The following MYO9B variants were observed in gnomAD, a reference collection of about 807,000 sequenced individuals.
MYO9B encodes myosin IXB.
A neutral mutation model predicts 229.5 loss-of-function variants in MYO9B; 71 were observed. The ratio of observed to expected loss-of-function variants is 0.31; its 90% CI spans 0.26 to 0.38. The LOEUF (loss-of-function observed/expected upper bound fraction) is 0.38, where lower values mean the gene tolerates loss of function less well. MYO9B is among the 10% of genes least tolerant of loss of function. MYO9B has a pLI of 1.00. For missense variants in MYO9B, 2,255 were observed against 2,920.5 expected (o/e 0.77, Z 5.25); for synonymous variants, 1,185 against 1,235.8 (o/e 0.96, Z 0.86).
chr19:17,207,451 A>G (rs2073175341), intron 35 of MYO9B: 1 of 402,526 alleles, frequency 2.5e-6, no homozygotes, highest in East Asian at 3.9e-5. Context: ...TGGGCAACAT[A>G]GCAAGACCCT....
chr19:17,162,492 A>G, intron 9 of MYO9B, 26 bp downstream of exon 9: 1 of 1,537,632 alleles, frequency 6.5e-7, no homozygotes, highest in Non-Finnish European at 8.8e-7. Context: ...TGCTTCCTCA[A>G]GCCCGGCCAG....
At chr19:17,135,954 C>A (rs2072264118) in intron 2 of MYO9B, among the ~76,000 whole-genome samples, 1 of 152,108 alleles carries the variant, frequency 6.6e-6, no homozygotes, top group Admixed American at 6.6e-5. Flanking sequence ...ACTACGGGGA[C>A]CCTGACTCAG....
chr19:17,091,264 G>A (rs1409378462), intron 1 of MYO9B, among the ~76,000 whole-genome samples: 1 of 152,130 alleles, frequency 6.6e-6, no homozygotes, highest in Non-Finnish European at 1.5e-5. Flanking sequence ...CTTGCTCTGT[G>A]GCCCAGGCTG....
In MYO9B at chr19:17,102,157, A is replaced by C. The variant is rs760539379; in HGVS notation, c.440A>C (p.Asp147Ala). 6.2e-7 allele frequency: 1 copy of C among 1,613,774 alleles called. No homozygotes were observed. Among genetic ancestry groups the C allele is most frequent in the Non-Finnish European group, 8.5e-7 (1 of 1,179,870 alleles). Residue 147 changes from aspartate to alanine, a missense_variant, in exon 2 of 40, where the codon GAC (aspartate) becomes GCC (alanine). This residue lies in a region of MYO9B where 386 missense variants were observed against 515.2 expected (regional missense o/e 0.75). Transcript: ENST00000682292. ...ERGLLPRQQADFDDLCNLPEL... is the reference protein window; with the variant it reads ...ERGLLPRQQAAFDDLCNLPEL... ...GGCCTCCTGCCACGGCAGCAGGCGGACTTTGATGACCTGTGTAACCTCCCC... is the reference window on the plus strand; with the variant it reads ...GGCCTCCTGCCACGGCAGCAGGCGGCCTTTGATGACCTGTGTAACCTCCCC...
intron 11 of MYO9B, among the ~76,000 whole-genome samples, chr19:17,169,089 C>T (rs1004014985): frequency 6.6e-6 from 1 of 152,016 alleles, no homozygotes; most frequent in African/African-American, 2.4e-5. Context: ...GATTCCACCT[C>T]GGCCAGGCAC....
In MYO9B at chr19:17,210,982, T is replaced by TC. The variant is rs1276155887; in HGVS notation, c.5930+134_5930+135insC. The TC allele has an allele frequency of 1.8e-3, 1,469 of 832,660 alleles. 3 individuals are homozygous for TC. The highest frequency in any genetic ancestry group is 2.1e-3 in the Non-Finnish European group (1,214 of 570,544). The allele number at this position is 832,660 out of a possible 1,614,324, so 51.6% of individuals were successfully genotyped here. A position where few individuals can be genotyped will look rare whatever the true frequency, so the allele number is the denominator to read the frequency against. ...CTAACACTGGGCAAACAACACTTTTTTTTTTTTTTTTTTTTTTTTTGAGAC... is the reference window on the plus strand; with the variant it reads ...CTAACACTGGGCAAACAACACTTTTTCTTTTTTTTTTTTTTTTTTTTGAGAC... On this transcript the variant is annotated intron_variant, in intron 38 of 39. Transcript: ENST00000682292.
intron 2 of MYO9B, among the ~76,000 whole-genome samples, chr19:17,140,960 C>T (rs1364510785): frequency 4.6e-5 from 7 of 151,476 alleles, no homozygotes; most frequent in Admixed American, 3.9e-4. Flanking sequence ...AAAAATTAGC[C>T]GAGCGCAGTG....
chr19:17,206,225 G>GGGGGGGCCCCC, intron 32 of MYO9B, 23 bp from the exon 33 acceptor site: 5 of 1,564,650 alleles, frequency 3.2e-6, no homozygotes, highest in Non-Finnish European at 4.3e-6. Context: ...CCGCTCACCA[G>GGGGGGGCCCCC]ACCCACCCCA....
rs764273466 is a variant in MYO9B, at chr19:17,195,216, G to A, written c.3789G>A (p.Pro1263=). The change falls in exon 22 of 40, where the codon CCG becomes CCA. Residue 1263 remains proline, a synonymous_variant. Coordinates refer to ENST00000682292, the MANE Select transcript of MYO9B (RefSeq NM_004145.4). The surrounding 1 kb of genome is among the most constrained non-coding windows in gnomAD (Gnocchi z 4.5). ...SLALDSRVSP[P]APGSAPETPE... ...CCCTGGACAGCAGGGTCAGCCCACC[G>A]GCCCCTGGCAGCGCCCCCGAGACCC... 2.9e-5 allele frequency: 46 copies of A among 1,611,362 alleles called. No individual in the cohort carries two copies. Among genetic ancestry groups the A allele is most frequent in the Admixed American group, 8.3e-5 (5 of 59,890 alleles).
At chr19:17,079,597 C>A (rs1176798740) in intron 1 of MYO9B, among the ~76,000 whole-genome samples, 1 of 152,204 alleles carries the variant, frequency 6.6e-6, no homozygotes, top group African/African-American at 2.4e-5. Flanking sequence ...CGTTCCCAAG[C>A]ACATACTGCT....
At chr19:17,081,123 G>A (rs1466373093) in intron 1 of MYO9B, among the ~76,000 whole-genome samples, 2 of 152,138 alleles carry the variant, frequency 1.3e-5, no homozygotes, top group African/African-American at 2.4e-5. Flanking sequence ...TGTCTCCCAG[G>A]TTCAAGTGAT....
chr19:17,174,738 GC>G (rs1227760150), intron 13 of MYO9B, among the ~76,000 whole-genome samples: 1 of 151,964 alleles, frequency 6.6e-6, no homozygotes, highest in African/African-American at 2.4e-5. Flanking sequence ...GTTGAGACCA[GC>G]CTGGCCAACA....
chr19:17,139,179 A>C (rs927059727), intron 2 of MYO9B, among the ~76,000 whole-genome samples: 1 of 152,060 alleles, frequency 6.6e-6, no homozygotes, highest in Non-Finnish European at 1.5e-5. Context: ...TCGATCTCAA[A>C]AAAAGCAAAA....
chr19:17,205,093 G>A (rs1325154888), intron 30 of MYO9B, among the ~76,000 whole-genome samples, 170 bp from the exon 31 acceptor site: 1 of 151,542 alleles, frequency 6.6e-6, no homozygotes, highest in Non-Finnish European at 1.5e-5. Flanking sequence ...GGAGGTTGCA[G>A]TGAGCCGAGA....
chr19:17,098,255 A>G (rs1408026748), intron 1 of MYO9B, among the ~76,000 whole-genome samples: 1 of 152,080 alleles, frequency 6.6e-6, no homozygotes, highest in Non-Finnish European at 1.5e-5. Context: ...GGGTTTCACC[A>G]TGTTGGTCAG....
At chr19:17,117,153 CAG>C (rs1334077736) in intron 2 of MYO9B, among the ~76,000 whole-genome samples, 4 of 152,196 alleles carry the variant, frequency 2.6e-5, no homozygotes, top group Admixed American at 1.3e-4. Context: ...GTTATGGAGA[CAG>C]GGGACCCATC....
At chr19:17,123,589 C>T (rs1048707769) in intron 2 of MYO9B, among the ~76,000 whole-genome samples, 2 of 152,040 alleles carry the variant, frequency 1.3e-5, no homozygotes, top group Non-Finnish European at 2.9e-5. Context: ...TACAGGCGCA[C>T]GCCATCACAC....
At chr19:17,177,773 G>A (rs1214731580) in intron 14 of MYO9B, 1 of 152,620 alleles carries the variant, frequency 6.6e-6, no homozygotes, top group Non-Finnish European at 1.5e-5. Flanking sequence ...AGCATGTTAA[G>A]TTTATACAGA....
Position 17,145,077 on chromosome 19 carries a change from A to G in MYO9B, c.841-320A>G, listed in dbSNP as rs1262613976. Among the ~76,000 whole-genome samples the G allele has an allele frequency of 4.6e-5, 7 of 152,154 alleles. No individual in the cohort carries two copies. The East Asian group carries it at 1.4e-3, about 29-fold the overall frequency. On this transcript the variant is annotated intron_variant, in intron 2 of 39. Coordinates refer to ENST00000682292, the MANE Select transcript of MYO9B (RefSeq NM_004145.4). Reference sequence around the variant, plus strand: ...CAGATTGCCTGAACTCAGGAGTTCTACGTCAGCCTGGACAACATGGTGAAA... The same window carrying G: ...CAGATTGCCTGAACTCAGGAGTTCTGCGTCAGCCTGGACAACATGGTGAAA...
Sources: allele counts gnomAD v4.1 joint callset (sites outside exome capture counted in the v4.1 genomes callset), GRCh38; gene constraint gnomAD v4.1.1; regional missense constraint gnomAD v4.1.1; non-coding constraint Gnocchi (gnomAD v3.1); transcripts MANE v1.5; gene names NCBI Gene and HGNC (gene_info 2026-07-23, HGNC 2026-07-21).